Variants in MPHOSPH9 observed in about 807,000 individuals in gnomAD.
The protein encoded by MPHOSPH9 is M-phase phosphoprotein 9.
A neutral mutation model predicts 145.5 loss-of-function variants in MPHOSPH9; 88 were observed. That is an observed-to-expected ratio of 0.60 (90% confidence interval 0.51 to 0.72). The LOEUF is 0.72. Among genes scored for constraint, MPHOSPH9 ranks in the 30% least tolerant of loss-of-function variants. MPHOSPH9 has a pLI of 0.00. For synonymous variants in MPHOSPH9, 435 were observed against 486.2 expected, an observed-to-expected ratio of 0.89 and a Z score of 1.39; for missense variants, 1,238 against 1,386.6, an observed-to-expected ratio of 0.89 and a Z score of 1.70.
chr12:123,226,135 AT>A (rs1212967422), intron 3 of MPHOSPH9, among the ~76,000 whole-genome samples: 1 of 152,240 alleles, frequency 6.6e-6, no homozygotes, highest in Non-Finnish European at 1.5e-5. Context: ...TTGCATTTGC[AT>A]GGGCATTTTT....
chr12:123,170,026 A>G (rs2044505141), intron 16 of MPHOSPH9, among the ~76,000 whole-genome samples: 1 of 148,682 alleles, frequency 6.7e-6, no homozygotes, highest in African/African-American at 2.5e-5. Flanking sequence ...CCCCCAGGCT[A>G]AAGTGCAGTG....
chr12:123,183,011 C>T (rs2045260208), intron 13 of MPHOSPH9, among the ~76,000 whole-genome samples: 1 of 150,716 alleles, frequency 6.6e-6, no homozygotes, highest in South Asian at 2.1e-4. Flanking sequence ...GTCAGGAGTT[C>T]AAGACCAGCC....
chr12:123,184,303 G>A (rs954809439), intron 13 of MPHOSPH9, among the ~76,000 whole-genome samples: 1 of 151,966 alleles, frequency 6.6e-6, no homozygotes, highest in Non-Finnish European at 1.5e-5. Context: ...GCAAGAGACT[G>A]TAAGACCTGT....
At chr12:123,193,106 TATACACAC>T (rs2045777447) in intron 13 of MPHOSPH9, among the ~76,000 whole-genome samples, 6 of 97,236 alleles carry the variant, frequency 6.2e-5, no homozygotes, top group African/African-American at 2.3e-4. Context: ...AATATATATA[TATACACAC>T]ACACACACAC....
intron 13 of MPHOSPH9, among the ~76,000 whole-genome samples, chr12:123,181,488 C>G (rs934693635): frequency 8.6e-5 from 13 of 151,956 alleles, no homozygotes; most frequent in African/African-American, 2.7e-4. Flanking sequence ...CAGAGGATCA[C>G]TTGAGGCTAG....
chr12:123,169,250 C>T (rs1377262185), intron 16 of MPHOSPH9, among the ~76,000 whole-genome samples: 1 of 148,828 alleles, frequency 6.7e-6, no homozygotes, highest in African/African-American at 2.5e-5. Flanking sequence ...AATCCTAGCA[C>T]TTTGAGAGGC....
chr12:123,196,619 G>C (rs1170534302), intron 12 of MPHOSPH9, among the ~76,000 whole-genome samples: 4 of 152,012 alleles, frequency 2.6e-5, no homozygotes, highest in African/African-American at 9.7e-5. Flanking sequence ...GTAATGCGTG[G>C]GGAAAAAAGT....
At position 123,159,044 on chromosome 12, in the gene MPHOSPH9, T is replaced by C. The variant is rs1279089276; in HGVS notation, c.3450+1737A>G. Among the ~76,000 whole-genome samples, 2 of 152,108 alleles carry C rather than the reference T, an allele frequency of 1.3e-5. No individual in the cohort carries two copies. The highest frequency in any genetic ancestry group is 2.4e-5 in the African/African-American group (1 of 41,458). On this transcript the variant is annotated intron_variant, in intron 23 of 23. Transcript: ENST00000606320. The surrounding 1 kb of genome is among the most constrained non-coding windows in gnomAD (Gnocchi z 4.3). Reference sequence around the variant, plus strand: ...AGTTGGAGGCTGCAGTGAGCCGAGATTGCGTCACTGCGCTCCAGCCTGGTG... The same window carrying C: ...AGTTGGAGGCTGCAGTGAGCCGAGACTGCGTCACTGCGCTCCAGCCTGGTG...
At position 123,201,809 on chromosome 12, in the gene MPHOSPH9, A is replaced by C. The variant is rs151014403; in HGVS notation, c.1937+355T>G. 2.3e-4 allele frequency among the ~76,000 whole-genome samples: 35 copies of C among 152,302 alleles called. No individual in the cohort carries two copies. In the East Asian group the frequency reaches 6.2e-3, roughly 27 times the overall value. On this transcript the variant is annotated intron_variant, in intron 11 of 23. Transcript: ENST00000606320. ...TGAATATAAGGCCATTCTCCCCTGC[A>C]TATCTTTGTGGGTTTTTTTGGAATG...
At position 123,156,690 on chromosome 12, in the gene MPHOSPH9, G is replaced by T; in HGVS notation, c.*117C>A. ...AAAATAGCAAGTGTAAGAATAGCAT[G>T]ATTGTAAAACTACTGTTTGAAGGCT... On this transcript the variant is annotated 3_prime_UTR_variant, in exon 24 of 24. Coordinates refer to ENST00000606320, the MANE Select transcript of MPHOSPH9 (RefSeq NM_022782.4). 1.6e-6 allele frequency: 1 copy of T among 610,216 alleles called. No individual in the cohort carries two copies. The highest frequency in any genetic ancestry group is 3.5e-5 in the South Asian group (1 of 28,652). 37.8% of individuals were successfully genotyped at this position (610,216 alleles called of 1,614,324 possible).
chr12:123,217,583 ACT>A (rs911639237), intron 6 of MPHOSPH9, among the ~76,000 whole-genome samples: 13 of 152,240 alleles, frequency 8.5e-5, no homozygotes, highest in African/African-American at 3.1e-4. Flanking sequence ...TAAATGGATT[ACT>A]CTCTGGCTAA....
chr12:123,193,654 C>A (rs1308972139), intron 13 of MPHOSPH9, among the ~76,000 whole-genome samples: 1 of 152,032 alleles, frequency 6.6e-6, no homozygotes, highest in African/African-American at 2.4e-5. Context: ...AAAAAATAAG[C>A]AACCTGAAAC....
Position 123,225,543 on chromosome 12 carries a change from A to AGG in MPHOSPH9, c.258+1918_258+1919dup, listed in dbSNP as rs1224886681. On this transcript the variant is annotated intron_variant, in intron 3 of 23. Coordinates refer to ENST00000606320, the MANE Select transcript of MPHOSPH9 (RefSeq NM_022782.4). The stretch of plus-strand genomic sequence containing the variant: ...AAGGAAGAAAGGAAGGGAGGGAGGG[A>AGG]GGGGGTGGGAGGGAGGGGAGAGGAG... Among the ~76,000 whole-genome samples the AGG allele has an allele frequency of 1.5e-3, 11 of 7,418 alleles. No homozygotes were observed. In the Admixed American group the frequency reaches 0.017, roughly 11 times the overall value. The allele number at this position is 7,418 out of a possible 152,430, so 4.9% of individuals were successfully genotyped here.
At chr12:123,195,568 AGAGT>A (rs1319816615) in intron 12 of MPHOSPH9, among the ~76,000 whole-genome samples, 3 of 152,022 alleles carry the variant, frequency 2.0e-5, no homozygotes, top group Non-Finnish European at 4.4e-5. Context: ...CCCTGGTGAC[AGAGT>A]GAGACTCTGT....
chr12:123,156,766 A>T lies in MPHOSPH9; in HGVS notation c.*41T>A. 6.6e-7 allele frequency: 1 copy of T among 1,504,722 alleles called. No homozygotes were observed. 93.2% of individuals were successfully genotyped at this position (1,504,722 alleles called of 1,614,324 possible). On this transcript the variant is annotated 3_prime_UTR_variant, in exon 24 of 24. Coordinates refer to ENST00000606320, the MANE Select transcript of MPHOSPH9 (RefSeq NM_022782.4). Reference sequence around the variant, plus strand: ...TTTTCTGACTGCATAATTATACATTAGTGCAAACAAAAATGTCTCAAAATT... The same window carrying T: ...TTTTCTGACTGCATAATTATACATTTGTGCAAACAAAAATGTCTCAAAATT...
At chr12:123,179,174 T>A (rs2045010109) in intron 15 of MPHOSPH9, among the ~76,000 whole-genome samples, 1 of 152,184 alleles carries the variant, frequency 6.6e-6, no homozygotes, top group African/African-American at 2.4e-5. Context: ...ATGCCTGTAA[T>A]CCCAGCACTT....
intron 5 of MPHOSPH9, among the ~76,000 whole-genome samples, chr12:123,220,782 G>A (rs1466420268): frequency 2.0e-5 from 3 of 151,574 alleles, no homozygotes; most frequent in South Asian, 2.1e-4. Context: ...GTGGCTGGGC[G>A]AGGTGGCTCA....
Position 123,179,953 on chromosome 12 carries a change from G to A in MPHOSPH9, c.2327C>T (p.Ala776Val), listed in dbSNP as rs1188736717. 2 of 1,457,822 alleles carry A rather than the reference G, an allele frequency of 1.4e-6. No individual in the cohort carries two copies. Among genetic ancestry groups the A allele is most frequent in the African/African-American group, 1.4e-5 (1 of 70,220 alleles). The allele number at this position is 1,457,822 out of a possible 1,614,324, so 90.3% of individuals were successfully genotyped here. A position where few individuals can be genotyped will look rare whatever the true frequency, so the allele number is the denominator to read the frequency against. Residue 776 changes from alanine (A) to valine (V), a missense_variant, in exon 15 of 24, where the codon GCA (alanine) becomes GTA (valine). Physicochemically the swap from Ala to Val is moderately conservative, Grantham distance 64. This residue lies in a region of MPHOSPH9 where 837 missense variants were observed against 897.5 expected (regional missense o/e 0.93). Coordinates refer to ENST00000606320, the MANE Select transcript of MPHOSPH9 (RefSeq NM_022782.4). ...TTTCAAATCAGAAATCTGAGTATAT[G>A]CATCAAGCAATTTGTTCTCAGTTGT... is the stretch of plus-strand genomic sequence containing the variant. Reference protein sequence around the residue: ...LNTTENKLLDAYTQISDLKRM... With the variant: ...LNTTENKLLDVYTQISDLKRM...
intron 3 of MPHOSPH9, among the ~76,000 whole-genome samples, chr12:123,226,721 T>C (rs2047452609): frequency 6.6e-6 from 1 of 151,992 alleles, no homozygotes; most frequent in Non-Finnish European, 1.5e-5. Flanking sequence ...CCTGACTTCC[T>C]GGGTTGAAGT....
Sources: gnomAD v4.1 joint callset for allele counts (sites outside exome capture counted in the v4.1 genomes callset) on GRCh38, gnomAD v4.1.1 for gene constraint, gnomAD v4.1.1 regional missense constraint, Gnocchi (gnomAD v3.1) non-coding constraint, MANE v1.5 for transcripts, NCBI Gene and HGNC (gene_info 2026-07-23, HGNC 2026-07-21) for gene names.